Variants in ACACA observed in about 807,000 individuals in gnomAD.
The protein encoded by ACACA is acetyl-CoA carboxylase alpha.
A neutral mutation model predicts 296.1 loss-of-function variants in ACACA; 103 were observed. That is an observed-to-expected ratio of 0.35 (90% CI 0.30 to 0.41). The LOEUF is 0.41. Ranked by LOEUF, ACACA falls within the 10% of genes least tolerant of loss-of-function variation. The pLI, the probability that ACACA is intolerant of heterozygous loss-of-function variation, is 1.00. For synonymous variants in ACACA, 953 were observed against 1,038.6 expected, an observed-to-expected ratio of 0.92 and a Z score of 1.58; for missense variants, 1,554 against 2,989.7, an observed-to-expected ratio of 0.52 and a Z score of 11.20.
Position 37,257,430 on chromosome 17 carries a change from T to TA in ACACA, c.1826+272dup, listed in dbSNP as rs754077701. Among the ~76,000 whole-genome samples the TA allele has an allele frequency of 7.2e-5, 11 of 152,300 alleles. No homozygotes were observed. In the East Asian group the frequency reaches 1.2e-3, roughly 16 times the overall value. On this transcript the variant is annotated intron_variant, in intron 14 of 55. Transcript: ENST00000616317. ...TTCCTGTGGAAAAATAAGATACCTT[T>TA]AAAGCAATCAATTTTATACATTTAT...
chr17:37,127,768 TG>T (rs1329283871), intron 47 of ACACA, among the ~76,000 whole-genome samples: 1 of 143,896 alleles, frequency 6.9e-6, no homozygotes, highest in African/African-American at 2.6e-5. Context: ...CACTTGAACC[TG>T]GGAGGCGGAG....
At position 37,121,343 on chromosome 17, in the gene ACACA, C is replaced by T; in HGVS notation, c.6274+12G>A. ...CAGTGATGCCCCTCCAGCCCACAGGCAGCCCAGTCACCTTTCATTCCACCA... is the reference window on the plus strand; with the variant it reads ...CAGTGATGCCCCTCCAGCCCACAGGTAGCCCAGTCACCTTTCATTCCACCA... On this transcript the variant is annotated intron_variant, in intron 50 of 55. Transcript: ENST00000616317. The T allele has an allele frequency of 1.2e-6, 2 of 1,614,054 alleles. No individual in the cohort carries two copies. Among genetic ancestry groups the T allele is most frequent in the East Asian group, 4.5e-5 (2 of 44,884 alleles).
chr17:37,254,969 C>T (rs2081162533), intron 14 of ACACA, among the ~76,000 whole-genome samples: 1 of 151,888 alleles, frequency 6.6e-6, no homozygotes, highest in South Asian at 2.1e-4. Context: ...GGCATGGTGG[C>T]ACGTGCCTGT....
chr17:37,191,945 G>T, intron 37 of ACACA, 145 bp downstream of exon 37: 1 of 821,680 alleles, frequency 1.2e-6, no homozygotes. Context: ...CATTGAAATA[G>T]AACAAGAACC....
rs367793824 is a variant in ACACA at position 37,283,408 on chromosome 17, G to A, written c.472-3C>T. ...ATGCCATTGTTAGCAATAAGAACCT[G>A]GGAGGGGGAAGGAGATGGGAATGGG... On this transcript the variant is annotated splice_polypyrimidine_tract_variant and splice_region_variant and intron_variant, in intron 4 of 55. Coordinates refer to ENST00000616317, the MANE Select transcript of ACACA (RefSeq NM_198834.3). The A allele has an allele frequency of 3.3e-4, 535 of 1,613,952 alleles. No individual in the cohort carries two copies. Among genetic ancestry groups the A allele is most frequent in the Non-Finnish European group, 3.7e-4 (439 of 1,179,976 alleles).
chr17:37,206,272 T>C (rs1048493164), intron 32 of ACACA, among the ~76,000 whole-genome samples: 7 of 152,148 alleles, frequency 4.6e-5, no homozygotes, highest in Middle Eastern at 6.8e-3. Context: ...TTCCTTACAA[T>C]TTATCAAACA....
rs2074525961 is a variant in ACACA at position 37,121,496 on chromosome 17, A to C, written c.6139-6T>G. Reference sequence around the variant, plus strand: ...TGGCCAGCCTGCTGGATTATCTATTAGGAAAAGTCAAAGAAGACACAATTA... The same window carrying C: ...TGGCCAGCCTGCTGGATTATCTATTCGGAAAAGTCAAAGAAGACACAATTA... On this transcript the variant is annotated splice_polypyrimidine_tract_variant and splice_region_variant and intron_variant, in intron 49 of 55. Transcript: ENST00000616317. 1.2e-6 allele frequency: 2 copies of C among 1,614,042 alleles called. No individual in the cohort carries two copies. The highest frequency in any genetic ancestry group is 2.7e-5 in the African/African-American group (2 of 74,948).
At chr17:37,304,045 AT>A (rs1375768582) in intron 3 of ACACA, among the ~76,000 whole-genome samples, 1 of 152,188 alleles carries the variant, frequency 6.6e-6, no homozygotes, top group African/African-American at 2.4e-5. Context: ...CATTTTCCTA[AT>A]ACTAATTAAT....
chr17:37,390,330 A>ATATCTATC (rs1555672373), intron 1 of ACACA, among the ~76,000 whole-genome samples: 1 of 41,592 alleles, frequency 2.4e-5, no homozygotes, highest in Non-Finnish European at 3.7e-5. Context: ...ATATATATAT[A>ATATCTATC]TATAAAAGGC....
intron 1 of ACACA, among the ~76,000 whole-genome samples, chr17:37,358,244 T>C (rs1048171632): frequency 1.3e-5 from 2 of 152,188 alleles, no homozygotes; most frequent in Non-Finnish European, 2.9e-5. Flanking sequence ...ACTCTCCCAC[T>C]CTCAAATCCA....
intron 1 of ACACA, among the ~76,000 whole-genome samples, chr17:37,351,036 A>T (rs143827138): frequency 0.011 from 1,734 of 152,306 alleles, 36 homozygotes; most frequent in African/African-American, 0.038. Context: ...GCTACTCGGG[A>T]ACCTGAGGCA....
intron 54 of ACACA, among the ~76,000 whole-genome samples, chr17:37,091,778 G>A (rs148536158): frequency 1.3e-5 from 2 of 151,968 alleles, no homozygotes; most frequent in East Asian, 4.0e-4. Flanking sequence ...GTCTCGTTAT[G>A]TTGCCCAGGC....
At chr17:37,248,553 T>TA (rs1567879654) in intron 17 of ACACA, 40 bp downstream of exon 17, 2 of 1,470,998 alleles carry the variant, frequency 1.4e-6, no homozygotes, top group South Asian at 1.1e-5. Context: ...GAAAGATAGC[T>TA]AAAAAAGTAA....
rs373276493 is a variant in ACACA, at chr17:37,171,572, G to A, written c.5079+7688C>T. 2.6e-5 allele frequency among the ~76,000 whole-genome samples: 4 copies of A among 152,190 alleles called. No homozygotes were observed. The East Asian group carries it at 5.8e-4, about 22-fold the overall frequency. On this transcript the variant is annotated intron_variant, in intron 41 of 55. Coordinates refer to ENST00000616317, the MANE Select transcript of ACACA (RefSeq NM_198834.3). The stretch of plus-strand genomic sequence containing the variant: ...TTTTTCAGCATGGCTTTTCCAAATG[G>A]CACAAATTAAGTCAAATATTGTATT...
intron 41 of ACACA, among the ~76,000 whole-genome samples, chr17:37,165,592 A>G (rs1177336710): frequency 6.6e-6 from 1 of 151,924 alleles, no homozygotes; most frequent in Non-Finnish European, 1.5e-5. Context: ...GTTCATCCAA[A>G]TTCCATTTCC....
chr17:37,143,732 T>C, intron 45 of ACACA: 5 of 901,942 alleles, frequency 5.5e-6, no homozygotes, highest in Non-Finnish European at 7.4e-6. Context: ...CTCTTCATCT[T>C]CCTCATCTTC....
intron 1 of ACACA, among the ~76,000 whole-genome samples, chr17:37,354,645 C>T (rs1330126011): frequency 1.3e-5 from 2 of 152,292 alleles, no homozygotes; most frequent in East Asian, 3.9e-4. Flanking sequence ...AAGAAACAGG[C>T]TGAGTGCAAT....
intron 11 of ACACA, among the ~76,000 whole-genome samples, chr17:37,260,531 T>C (rs1214925180): frequency 2.0e-5 from 3 of 151,398 alleles, no homozygotes; most frequent in Admixed American, 6.6e-5. Context: ...CTCGAACTCT[T>C]GATCTCAGGT....
intron 1 of ACACA, among the ~76,000 whole-genome samples, chr17:37,353,784 G>A (rs2049013346): frequency 6.6e-6 from 1 of 150,976 alleles, no homozygotes. Context: ...AACTGAGTCT[G>A]TTTTTTTAAA....
Sources: gnomAD v4.1 joint callset for allele counts (sites outside exome capture counted in the v4.1 genomes callset) on GRCh38, gnomAD v4.1.1 for gene constraint, MANE v1.5 for transcripts, NCBI Gene and HGNC (gene_info 2026-07-23, HGNC 2026-07-21) for gene names.